GPC6: variants seen among roughly 807,000 people sequenced by gnomAD.
GPC6 encodes glypican-6.
Under a neutral mutation model 55.2 loss-of-function variants are expected in GPC6, and 14 were observed. The ratio of observed to expected loss-of-function variants is 0.25; its 90% CI spans 0.17 to 0.40. The LOEUF is 0.40. Ranked by LOEUF, GPC6 falls within the 10% of genes least tolerant of loss-of-function variation. GPC6 has a pLI of 1.00. For synonymous variants in GPC6, 278 were observed against 259.6 expected, an observed-to-expected ratio of 1.07 and a Z score of -0.68; for missense variants, 641 against 708.5, an observed-to-expected ratio of 0.90 and a Z score of 1.08.
At chr13:94,327,505 C>T (rs969137764) in intron 6 of GPC6, among the ~76,000 whole-genome samples, 16 of 151,644 alleles carry the variant, frequency 1.1e-4, no homozygotes, top group Admixed American at 7.9e-4. Context: ...TTTCATATCA[C>T]GGTTCGTTTA....
At chr13:93,268,250 G>C (rs964282403) in intron 1 of GPC6, among the ~76,000 whole-genome samples, 1 of 152,152 alleles carries the variant, frequency 6.6e-6, no homozygotes, top group Admixed American at 6.5e-5. Context: ...GTGCTTGGAA[G>C]GGAGACTTTC....
intron 3 of GPC6, among the ~76,000 whole-genome samples, chr13:93,998,868 C>G (rs185573767): frequency 1.2e-4 from 19 of 152,114 alleles, no homozygotes; most frequent in African/African-American, 3.6e-4. Context: ...AAAATCTACT[C>G]AGTGATTTTC....
At chr13:93,489,542 A>T (rs1879871682) in intron 1 of GPC6, among the ~76,000 whole-genome samples, 1 of 151,370 alleles carries the variant, frequency 6.6e-6, no homozygotes, top group Admixed American at 6.6e-5. Flanking sequence ...ATGGCATTGA[A>T]TCTATAAATT....
At chr13:93,952,367 T>C (rs769281976) in intron 3 of GPC6, among the ~76,000 whole-genome samples, 22 of 152,140 alleles carry the variant, frequency 1.4e-4, no homozygotes, top group Non-Finnish European at 2.1e-4. Context: ...TACTGTTAAA[T>C]AGAACTAAAT....
At chr13:93,820,938 A>G (rs547732779) in intron 2 of GPC6, among the ~76,000 whole-genome samples, 1 of 152,196 alleles carries the variant, frequency 6.6e-6, no homozygotes, top group East Asian at 1.9e-4. Flanking sequence ...AACATATGAA[A>G]ATACTGAAAG....
chr13:93,390,265 G>A (rs1594136993), intron 1 of GPC6, among the ~76,000 whole-genome samples: 1 of 152,050 alleles, frequency 6.6e-6, no homozygotes, highest in African/African-American at 2.4e-5. Context: ...ACCGTTCTGG[G>A]AACTTCAATG....
chr13:94,125,250 G>A (rs1038183429), intron 4 of GPC6, among the ~76,000 whole-genome samples: 21 of 152,056 alleles, frequency 1.4e-4, no homozygotes, highest in Non-Finnish European at 2.4e-4. Context: ...CAAGACAGGT[G>A]TATTTTATGA....
Position 94,111,104 on chromosome 13 carries a change from G to A in GPC6, c.877+83210G>A, listed in dbSNP as rs578249050. 5.3e-5 allele frequency among the ~76,000 whole-genome samples: 8 copies of A among 152,134 alleles called. No homozygotes were observed. In the South Asian group the frequency reaches 1.5e-3, roughly 28 times the overall value. ...ATAAAAATGAGCATCTTTTTCATAT[G>A]TTTAATAGTAATTCAGAGTCCCTGT... On this transcript the variant is annotated intron_variant, in intron 4 of 8. Transcript: ENST00000377047.
intron 6 of GPC6, among the ~76,000 whole-genome samples, chr13:94,317,889 CTTTT>C (rs1385663828): frequency 6.6e-6 from 1 of 151,662 alleles, no homozygotes; most frequent in Non-Finnish European, 1.5e-5. Flanking sequence ...GTGTGTGTTT[CTTTT>C]TTAATTACTC....
At chr13:94,280,251 C>T (rs1482899997) in intron 4 of GPC6, among the ~76,000 whole-genome samples, 2 of 152,120 alleles carry the variant, frequency 1.3e-5, no homozygotes, top group Non-Finnish European at 2.9e-5. Context: ...TTTTCAGAGA[C>T]TGGGCCAGAG....
rs527331353 is a variant in GPC6 at position 94,322,230 on chromosome 13, T to C, written c.1152+16107T>C. Among the ~76,000 whole-genome samples the C allele has an allele frequency of 2.3e-4, 35 of 152,350 alleles. No homozygotes were observed. In the East Asian group the frequency reaches 3.7e-3, roughly 16 times the overall value. On this transcript the variant is annotated intron_variant, in intron 6 of 8. Coordinates refer to ENST00000377047, the MANE Select transcript of GPC6 (RefSeq NM_005708.5). Reference sequence around the variant, plus strand: ...TTTGCTTGGCTCACATTCTCTCTTGTCTGCCACCATGTAAGACATGTCTTT... The same window carrying C: ...TTTGCTTGGCTCACATTCTCTCTTGCCTGCCACCATGTAAGACATGTCTTT...
At chr13:94,271,366 ACGCGCGCGCG>A (rs35593846) in intron 4 of GPC6, among the ~76,000 whole-genome samples, 4 of 131,224 alleles carry the variant, frequency 3.0e-5, no homozygotes, top group Admixed American at 7.2e-5. Flanking sequence ...ACACACACAC[ACGCGCGCGCG>A]CGCGCGCACA....
chr13:93,316,760 A>T (rs1354799684), intron 1 of GPC6, among the ~76,000 whole-genome samples: 1 of 152,118 alleles, frequency 6.6e-6, no homozygotes, highest in African/African-American at 2.4e-5. Context: ...ATCAGAGCTC[A>T]TGAGCCTTTT....
intron 4 of GPC6, among the ~76,000 whole-genome samples, chr13:94,065,856 T>C (rs1304119434): frequency 6.6e-6 from 1 of 152,184 alleles, no homozygotes; most frequent in Admixed American, 6.5e-5. Flanking sequence ...ACAGGCACTG[T>C]TAGGAATGAG....
At chr13:93,537,264 T>C (rs2139421293) in intron 1 of GPC6, among the ~76,000 whole-genome samples, 1 of 152,334 alleles carries the variant, frequency 6.6e-6, no homozygotes, top group Middle Eastern at 3.4e-3. Context: ...CTTCTTGCCA[T>C]GATATGAGGA....
intron 2 of GPC6, among the ~76,000 whole-genome samples, chr13:93,746,116 G>T (rs910447315): frequency 6.6e-6 from 1 of 152,170 alleles, no homozygotes; most frequent in African/African-American, 2.4e-5. Flanking sequence ...AAGATAAGAA[G>T]CTGTTTTGAT....
At chr13:93,884,912 T>C (rs540012651) in intron 3 of GPC6, among the ~76,000 whole-genome samples, 4 of 152,180 alleles carry the variant, frequency 2.6e-5, no homozygotes, top group African/African-American at 7.2e-5. Context: ...TCTAGAATAT[T>C]TTGCTGCTTT....
intron 1 of GPC6, among the ~76,000 whole-genome samples, chr13:93,380,949 T>C (rs1225753540): frequency 6.6e-6 from 1 of 152,146 alleles, no homozygotes; most frequent in Non-Finnish European, 1.5e-5. Flanking sequence ...GATAGTTGCC[T>C]AAAATCTCTT....
At chr13:94,258,371 G>C (rs1673015209) in intron 4 of GPC6, among the ~76,000 whole-genome samples, 1 of 151,968 alleles carries the variant, frequency 6.6e-6, no homozygotes, top group African/African-American at 2.4e-5. Flanking sequence ...TCACTTTCCA[G>C]GTGAAATAAA....
Sources: gnomAD v4.1 joint callset for allele counts (sites outside exome capture counted in the v4.1 genomes callset) on GRCh38, gnomAD v4.1.1 for gene constraint, MANE v1.5 for transcripts, NCBI Gene and HGNC (gene_info 2026-07-23, HGNC 2026-07-21) for gene names.